Variants in SVOPL observed in about 807,000 individuals in gnomAD.
SVOPL encodes putative transporter SVOPL.
A neutral mutation model predicts 61.0 loss-of-function variants in SVOPL; 60 were observed. That is an observed-to-expected ratio of 0.98 (90% CI 0.80 to 1.22). The LOEUF (loss-of-function observed/expected upper bound fraction) is 1.22, where lower values mean the gene tolerates loss of function less well. SVOPL is among the 50% of genes most tolerant of loss of function. The probability of loss-of-function intolerance (pLI) is 0.00; values close to 1 mark genes in which losing one functional copy is unlikely to be tolerated. For missense variants in SVOPL, 662 were observed against 643.9 expected, an observed-to-expected ratio of 1.03 and a Z score of -0.30; for synonymous variants, 279 against 250.0, an observed-to-expected ratio of 1.12 and a Z score of -1.09.
intron 7 of SVOPL, among the ~76,000 whole-genome samples, chr7:138,653,325 A>C (rs1239757877): frequency 1.3e-5 from 2 of 152,122 alleles, no homozygotes; most frequent in African/African-American, 4.8e-5. Context: ...AGATGAAACC[A>C]CCTTGCACTG....
At chr7:138,681,748 A>G (rs1327741039) in intron 1 of SVOPL, among the ~76,000 whole-genome samples, 1 of 152,104 alleles carries the variant, frequency 6.6e-6, no homozygotes, top group Non-Finnish European at 1.5e-5. Flanking sequence ...GCTTGAACCC[A>G]GGAGGCGGAG....
At chr7:138,627,117 T>A (rs1047483100) in intron 12 of SVOPL, among the ~76,000 whole-genome samples, 2 of 152,112 alleles carry the variant, frequency 1.3e-5, no homozygotes, top group African/African-American at 2.4e-5. Flanking sequence ...GTAAAGTGAG[T>A]ACACCATCAT....
intron 14 of SVOPL, among the ~76,000 whole-genome samples, chr7:138,606,449 C>A (rs1052870055): frequency 5.3e-5 from 8 of 152,230 alleles, no homozygotes; most frequent in Admixed American, 5.2e-4. Context: ...TGTGTAACTG[C>A]CCTTATCTGT....
chr7:138,642,610 T>C (rs551530710), intron 9 of SVOPL, among the ~76,000 whole-genome samples: 1 of 151,664 alleles, frequency 6.6e-6, no homozygotes, highest in Non-Finnish European at 1.5e-5. Flanking sequence ...GCAGATCTCT[T>C]GAGCTCGGGA....
At chr7:138,623,468 C>T (rs1261348109) in intron 13 of SVOPL, among the ~76,000 whole-genome samples, 1 of 151,868 alleles carries the variant, frequency 6.6e-6, no homozygotes, top group African/African-American at 2.4e-5. Flanking sequence ...GGCGTGGTGG[C>T]GGGCACCTGT....
At chr7:138,623,824 ATTT>A (rs928788644) in intron 13 of SVOPL, among the ~76,000 whole-genome samples, 1 of 150,506 alleles carries the variant, frequency 6.6e-6, no homozygotes, top group Non-Finnish European at 1.5e-5. Context: ...AAAGTCAATA[ATTT>A]TTTTTTTCTT....
At chr7:138,601,266 A>G (rs896930277) in intron 14 of SVOPL, among the ~76,000 whole-genome samples, 2 of 151,362 alleles carry the variant, frequency 1.3e-5, no homozygotes, top group Admixed American at 6.6e-5. Flanking sequence ...AAAAAAAAAA[A>G]AAAGAAAAGA....
intron 7 of SVOPL, among the ~76,000 whole-genome samples, chr7:138,653,852 G>A (rs1425817794): frequency 6.6e-6 from 1 of 150,576 alleles, no homozygotes; most frequent in East Asian, 2.0e-4. Context: ...AGAACCACTT[G>A]AATCTGGGAG....
chr7:138,640,423 G>GT (rs1420730437), intron 9 of SVOPL, among the ~76,000 whole-genome samples: 2 of 151,962 alleles, frequency 1.3e-5, no homozygotes, highest in African/African-American at 4.8e-5. Flanking sequence ...TAGAGTCAGG[G>GT]TTTCTCTGTG....
At chr7:138,641,837 ATATATATAT>A (rs1252740358) in intron 9 of SVOPL, among the ~76,000 whole-genome samples, 2 of 29,232 alleles carry the variant, frequency 6.8e-5, no homozygotes, top group Admixed American at 8.0e-4. Context: ...TATATATAAC[ATATATATAT>A]AACATATATA....
chr7:138,633,064 T>C (rs997454819), intron 9 of SVOPL, among the ~76,000 whole-genome samples: 5 of 152,176 alleles, frequency 3.3e-5, no homozygotes, highest in South Asian at 4.1e-4. Flanking sequence ...CCTCCCACCC[T>C]GCTTTGCTCG....
intron 9 of SVOPL, among the ~76,000 whole-genome samples, chr7:138,633,087 TGTCA>T (rs1429141763): frequency 6.6e-6 from 1 of 152,162 alleles, no homozygotes; most frequent in Non-Finnish European, 1.5e-5. Flanking sequence ...AAGATGTGAT[TGTCA>T]GTATCTCAGT....
chr7:138,629,845 G>A (rs553999995), intron 10 of SVOPL, among the ~76,000 whole-genome samples: 1 of 152,214 alleles, frequency 6.6e-6, no homozygotes, highest in African/African-American at 2.4e-5. Flanking sequence ...AGACAATTAG[G>A]GAATTTTCCT....
intron 14 of SVOPL, among the ~76,000 whole-genome samples, chr7:138,602,785 A>G (rs1027976648): frequency 1.3e-5 from 2 of 152,000 alleles, no homozygotes; most frequent in African/African-American, 2.4e-5. Flanking sequence ...GACCTGCTTG[A>G]GAGGTCTGTC....
At chr7:138,645,593 A>G (rs1259738732) in intron 8 of SVOPL, 1 of 152,466 alleles carries the variant, frequency 6.6e-6, no homozygotes, top group Non-Finnish European at 1.5e-5. Flanking sequence ...AATCTCTTCC[A>G]CAATCAGAAG....
chr7:138,621,818 CTATGTATCTATG>C (rs766083134), intron 13 of SVOPL, among the ~76,000 whole-genome samples: 2,573 of 71,562 alleles, frequency 0.036, 82 homozygotes, highest in Middle Eastern at 0.061. Context: ...ATCTATGTAT[CTATGTATCTATG>C]TATCTATCTA....
At chr7:138,631,178 G>T (rs1036418780) in intron 9 of SVOPL, among the ~76,000 whole-genome samples, 4 of 152,182 alleles carry the variant, frequency 2.6e-5, no homozygotes, top group Middle Eastern at 6.8e-3. Context: ...GAACTTAGAG[G>T]TCTTTTGCTC....
chr7:138,681,215 A>T, intron 1 of SVOPL, among the ~76,000 whole-genome samples: 1 of 147,244 alleles, frequency 6.8e-6, no homozygotes, highest in Non-Finnish European at 1.5e-5. Flanking sequence ...TAATAAATTA[A>T]CAAATATTAT....
intron 14 of SVOPL, among the ~76,000 whole-genome samples, chr7:138,597,537 A>T (rs1171988380): frequency 6.6e-6 from 1 of 151,392 alleles, no homozygotes; most frequent in Non-Finnish European, 1.5e-5. Context: ...CATTGATCTC[A>T]CTAATTATTT....
Sources: allele counts gnomAD v4.1 joint callset (sites outside exome capture counted in the v4.1 genomes callset), GRCh38; gene constraint gnomAD v4.1.1; transcripts MANE v1.5; gene names NCBI Gene and HGNC (gene_info 2026-07-23, HGNC 2026-07-21).